Variants in APAF1 observed in about 807,000 individuals in gnomAD.
The protein encoded by APAF1 is apoptotic protease-activating factor 1.
A neutral mutation model predicts 152.4 loss-of-function variants in APAF1; 91 were observed. That is an observed-to-expected ratio of 0.60 (90% CI 0.50 to 0.71). The LOEUF (loss-of-function observed/expected upper bound fraction) is 0.71, where lower values mean the gene tolerates loss of function less well. Among genes scored for constraint, APAF1 ranks in the 30% least tolerant of loss-of-function variants. The pLI, the probability that APAF1 is intolerant of heterozygous loss-of-function variation, is 0.00. For synonymous variants in APAF1, 484 were observed against 494.1 expected (o/e 0.98, Z 0.27); for missense variants, 1,283 against 1,472.0 (o/e 0.87, Z 2.10).
At chr12:98,658,824 C>G (rs1414023251) in intron 4 of APAF1, among the ~76,000 whole-genome samples, 1 of 152,120 alleles carries the variant, frequency 6.6e-6, no homozygotes, top group African/African-American at 2.4e-5. Context: ...CAAAGAATTG[C>G]CATCCCAAAA....
intron 16 of APAF1, among the ~76,000 whole-genome samples, chr12:98,691,433 T>C (rs1387522632): frequency 6.6e-6 from 1 of 152,214 alleles, no homozygotes; most frequent in Non-Finnish European, 1.5e-5. Context: ...TTCTTTAAAA[T>C]TGTCATTCTG....
intron 14 of APAF1, 22 bp from the exon 15 acceptor site, chr12:98,683,121 A>AT (rs1371952449): frequency 6.2e-7 from 1 of 1,601,632 alleles, no homozygotes; most frequent in South Asian, 1.1e-5. Flanking sequence ...ATATTTGTAA[A>AT]TTTTTTCTCT....
chr12:98,667,380 T>C, intron 9 of APAF1, 133 bp from the exon 10 acceptor site: 1 of 1,029,092 alleles, frequency 9.7e-7, no homozygotes, highest in Non-Finnish European at 1.5e-6. Context: ...CCTCCCAAAG[T>C]GCTGGGATTA....
intron 16 of APAF1, among the ~76,000 whole-genome samples, chr12:98,692,383 T>C (rs955497598): frequency 1.2e-4 from 18 of 152,108 alleles, no homozygotes; most frequent in Admixed American, 9.2e-4. Flanking sequence ...GCACCCAGCC[T>C]ATGTTTCATG....
intron 20 of APAF1, among the ~76,000 whole-genome samples, chr12:98,710,833 G>C (rs2097727201): frequency 6.6e-6 from 1 of 152,178 alleles, no homozygotes; most frequent in African/African-American, 2.4e-5. Flanking sequence ...TTATCAACTA[G>C]TTCTATGATG....
chr12:98,651,440 T>C (rs1053553477), intron 4 of APAF1, among the ~76,000 whole-genome samples: 3 of 152,200 alleles, frequency 2.0e-5, no homozygotes, highest in Admixed American at 2.0e-4. Flanking sequence ...TTATCTCCCA[T>C]GACACAATGT....
intron 4 of APAF1, among the ~76,000 whole-genome samples, chr12:98,655,753 C>T (rs994039926): frequency 2.6e-5 from 4 of 151,576 alleles, no homozygotes; most frequent in African/African-American, 9.7e-5. Context: ...AGCTGGGCCA[C>T]AGGCGCACAG....
chr12:98,666,402 A>G, intron 9 of APAF1, 45 bp downstream of exon 9: 1 of 1,580,248 alleles, frequency 6.3e-7, no homozygotes, highest in Non-Finnish European at 8.6e-7. Flanking sequence ...TTTCCTTTGA[A>G]ATAATTTTAG....
intron 4 of APAF1, among the ~76,000 whole-genome samples, chr12:98,653,882 T>G (rs2097653043): frequency 6.6e-6 from 1 of 151,518 alleles, no homozygotes; most frequent in Non-Finnish European, 1.5e-5. Flanking sequence ...GTATGTTGGT[T>G]TTTAATCATG....
intron 21 of APAF1, 137 bp downstream of exon 21, chr12:98,712,572 A>G: frequency 1.5e-6 from 1 of 662,640 alleles, no homozygotes; most frequent in Non-Finnish European, 2.7e-6. Context: ...CGCTGAGTAC[A>G]GTGACACGAT....
Position 98,648,452 on chromosome 12 carries a change from T to C in APAF1, c.93T>C (p.Ser31=), listed in dbSNP as rs749575227. ...KTSYIMDHMI[S]DGFLTISEEE... ...CCTACATCATGGATCACATGATTAG[T>C]GATGGATTTTTAACAATATCAGAAG... is the stretch of plus-strand genomic sequence containing the variant. The change falls in exon 2 of 27, where the codon AGT becomes AGC. Residue 31 remains serine, a synonymous_variant. Transcript: ENST00000551964. The C allele has an allele frequency of 4.3e-6, 7 of 1,613,608 alleles. No individual in the cohort carries two copies. The South Asian group carries it at 7.7e-5, about 18-fold the overall frequency.
chr12:98,702,220 C>T (rs891851311), intron 17 of APAF1, among the ~76,000 whole-genome samples: 5 of 152,056 alleles, frequency 3.3e-5, no homozygotes, highest in Non-Finnish European at 5.9e-5. Context: ...CACCTGCCAC[C>T]GCGCCCGGCT....
At chr12:98,726,277 T>G (rs2097750480) in intron 25 of APAF1, among the ~76,000 whole-genome samples, 1 of 152,208 alleles carries the variant, frequency 6.6e-6, no homozygotes, top group Admixed American at 6.5e-5. Flanking sequence ...TGGAAAGAAT[T>G]GCATGCTGAA....
chr12:98,700,274 A>G (rs1157547623), intron 17 of APAF1, among the ~76,000 whole-genome samples: 1 of 152,226 alleles, frequency 6.6e-6, no homozygotes, highest in Admixed American at 6.5e-5. Context: ...GTCTAAAGTT[A>G]CATTGTGATT....
intron 24 of APAF1, among the ~76,000 whole-genome samples, chr12:98,724,541 T>A (rs1350892710): frequency 6.6e-6 from 1 of 152,224 alleles, no homozygotes; most frequent in Non-Finnish European, 1.5e-5. Context: ...CTAACTTTGG[T>A]TTGATAAACC....
chr12:98,690,920 G>A (rs1044471371), intron 16 of APAF1, among the ~76,000 whole-genome samples: 1 of 152,178 alleles, frequency 6.6e-6, no homozygotes, highest in East Asian at 1.9e-4. Context: ...AAAAAGTCCT[G>A]TACTTGGGCC....
intron 4 of APAF1, among the ~76,000 whole-genome samples, chr12:98,658,192 A>G (rs2097660255): frequency 6.6e-6 from 1 of 152,096 alleles, no homozygotes; most frequent in Admixed American, 6.6e-5. Context: ...TTATATATGT[A>G]TATTTATGTG....
intron 24 of APAF1, among the ~76,000 whole-genome samples, chr12:98,725,190 G>A (rs1438534947): frequency 6.6e-6 from 1 of 152,172 alleles, no homozygotes; most frequent in Non-Finnish European, 1.5e-5. Flanking sequence ...CTAAATTAAG[G>A]AAGGAGTGAC....
chr12:98,660,397 T>C (rs1425151644), intron 5 of APAF1, among the ~76,000 whole-genome samples: 3 of 152,144 alleles, frequency 2.0e-5, no homozygotes, highest in Non-Finnish European at 4.4e-5. Flanking sequence ...TTCTGTTTGA[T>C]TGTCTTAGTT....
Sources: allele counts gnomAD v4.1 joint callset (sites outside exome capture counted in the v4.1 genomes callset), GRCh38; gene constraint gnomAD v4.1.1; transcripts MANE v1.5; gene names NCBI Gene and HGNC (gene_info 2026-07-23, HGNC 2026-07-21).